Variants in PCDHA2 observed in about 807,000 individuals in gnomAD.
PCDHA2 encodes protocadherin alpha 2, also known as protocadherin alpha-2.
A neutral mutation model predicts 66.0 loss-of-function variants in PCDHA2; 58 were observed. That is an observed-to-expected ratio of 0.88 (90% CI 0.71 to 1.09). PCDHA2 has a LOEUF of 1.09. Among genes scored for constraint, PCDHA2 ranks in the 50% least tolerant of loss-of-function variants. PCDHA2 has a pLI of 0.00. For missense variants in PCDHA2, 1,267 were observed against 1,242.3 expected (o/e 1.02, Z -0.30); for synonymous variants, 634 against 554.0 (o/e 1.14, Z -2.03).
chr5:140,948,889 AT>A (rs1263260325), intron 1 of PCDHA2, among the ~76,000 whole-genome samples: 2 of 151,468 alleles, frequency 1.3e-5, no homozygotes, highest in Non-Finnish European at 3.0e-5. Flanking sequence ...TCTCTTTTAG[AT>A]TTTAAGTGGA....
intron 1 of PCDHA2, chr5:140,803,412 C>A: frequency 1.2e-6 from 2 of 1,614,236 alleles, no homozygotes; most frequent in East Asian, 2.2e-5. Flanking sequence ...CAAGCCCACG[C>A]TGGTGTGCTC....
intron 1 of PCDHA2, chr5:140,822,264 AAATGCACAATTGAGATACAGGTTAAATCC>A: frequency 6.2e-7 from 1 of 1,614,278 alleles, no homozygotes; most frequent in African/African-American, 1.3e-5. Context: ...ATATTGGAGC[AAATGCACAATTGAGATACAGGTTAAATCC>A]AAACGAATAT....
chr5:140,810,067 G>A (rs1354949194), intron 1 of PCDHA2: 2 of 153,726 alleles, frequency 1.3e-5, no homozygotes, highest in African/African-American at 4.8e-5. Flanking sequence ...CCTGTTTTGG[G>A]AACGTTATCT....
At chr5:140,985,317 A>C (rs1457089100) in intron 3 of PCDHA2, among the ~76,000 whole-genome samples, 1 of 152,134 alleles carries the variant, frequency 6.6e-6, no homozygotes, top group Non-Finnish European at 1.5e-5. Flanking sequence ...TGGTGGCCAG[A>C]ATTCAGTAGT....
At chr5:140,922,430 A>G (rs574413053) in intron 1 of PCDHA2, among the ~76,000 whole-genome samples, 6 of 152,246 alleles carry the variant, frequency 3.9e-5, no homozygotes, top group Non-Finnish European at 7.3e-5. Context: ...GGCTGAGGGC[A>G]GAACTCTCTC....
chr5:140,979,514 C>G lies in PCDHA2; in HGVS notation c.2447+507C>G, dbSNP rs75440413. On this transcript the variant is annotated intron_variant, in intron 2 of 3. Transcript: ENST00000526136. Reference sequence around the variant, plus strand: ...ATTAGAGCCTCCTCATCTTTCCCATCTGTTGCTATCTTATTGTCATCAATG... The same window carrying G: ...ATTAGAGCCTCCTCATCTTTCCCATGTGTTGCTATCTTATTGTCATCAATG... 4.7e-4 allele frequency among the ~76,000 whole-genome samples: 71 copies of G among 152,274 alleles called. 1 individual carries two copies. In the East Asian group the frequency reaches 0.014, roughly 29 times the overall value.
intron 1 of PCDHA2, among the ~76,000 whole-genome samples, chr5:140,819,034 C>G (rs1766478495): frequency 6.6e-6 from 1 of 152,116 alleles, no homozygotes; most frequent in African/African-American, 2.4e-5. Context: ...AGCACATTCC[C>G]TTATAGGGCA....
At chr5:140,883,924 G>T (rs1554180605) in intron 1 of PCDHA2, 14 of 1,613,506 alleles carry the variant, frequency 8.7e-6, no homozygotes, top group Non-Finnish European at 1.1e-5. Context: ...TGACGCTGCA[G>T]GTGTTCGTGC....
intron 1 of PCDHA2, among the ~76,000 whole-genome samples, chr5:140,832,806 T>C (rs1420120359): frequency 2.0e-5 from 3 of 152,174 alleles, no homozygotes; most frequent in Non-Finnish European, 2.9e-5. Context: ...GTTATTGGAA[T>C]TGGAAAAAAA....
intron 1 of PCDHA2, among the ~76,000 whole-genome samples, chr5:140,969,719 T>G (rs1448594057): frequency 7.9e-5 from 12 of 152,220 alleles, no homozygotes; most frequent in Non-Finnish European, 1.5e-4. Flanking sequence ...AGGGAAATTT[T>G]TCTTTTGAAA....
intron 3 of PCDHA2, among the ~76,000 whole-genome samples, chr5:140,987,890 C>T (rs1554249653): frequency 1.3e-5 from 2 of 152,020 alleles, no homozygotes; most frequent in African/African-American, 4.8e-5. Flanking sequence ...TTTATGTGCC[C>T]TAGTTTTATA....
rs2052689459 is a variant in PCDHA2, at chr5:140,871,081, G to T, written c.2388+73729G>T. 9 of 1,613,214 alleles carry T rather than the reference G, an allele frequency of 5.6e-6. No homozygotes were observed. The African/African-American group carries it at 6.7e-5, about 12-fold the overall frequency. On this transcript the variant is annotated intron_variant, in intron 1 of 3. Coordinates refer to ENST00000526136, the MANE Select transcript of PCDHA2 (RefSeq NM_018905.3). ...GGATCACGGTGAGCCGGCGCTGACG[G>T]CCACGGCCACCGTGCTGGTGTCGTT... is the stretch of plus-strand genomic sequence containing the variant.
intron 1 of PCDHA2, chr5:140,801,994 C>T (rs1554121822): frequency 1.9e-6 from 3 of 1,614,160 alleles, no homozygotes; most frequent in Non-Finnish European, 2.5e-6. Context: ...ACCGTTAACG[C>T]CACCGATTTG....
chr5:140,839,078 C>T (rs1776029855), intron 1 of PCDHA2, among the ~76,000 whole-genome samples: 1 of 151,898 alleles, frequency 6.6e-6, no homozygotes, highest in African/African-American at 2.4e-5. Flanking sequence ...AAGTCAAAAA[C>T]CTGTCTGATA....
At position 140,795,445 on chromosome 5, in the gene PCDHA2, G is replaced by A; in HGVS notation, c.481G>A (p.Asp161Asn). ...RFPLEGASDA[D>N]IGVNALLSYK... Reference sequence around the variant, plus strand: ...TCCTCTAGAGGGAGCATCTGATGCAGATATAGGAGTAAATGCTCTTCTCTC... The same window carrying A: ...TCCTCTAGAGGGAGCATCTGATGCAAATATAGGAGTAAATGCTCTTCTCTC... The change falls in exon 1 of 4, where the codon GAT becomes AAT. Residue 161 changes from aspartate to asparagine, a missense_variant. Coordinates refer to ENST00000526136, the MANE Select transcript of PCDHA2 (RefSeq NM_018905.3). 6.2e-7 allele frequency: 1 copy of A among 1,614,212 alleles called. No homozygotes were observed. Among genetic ancestry groups the A allele is most frequent in the Non-Finnish European group, 8.5e-7 (1 of 1,180,032 alleles).
intron 1 of PCDHA2, chr5:140,830,290 G>T (rs554863669): frequency 6.2e-7 from 1 of 1,613,848 alleles, no homozygotes; most frequent in African/African-American, 1.3e-5. Context: ...GCGCGTGCAC[G>T]GCGGACAAGC....
In PCDHA2 at chr5:140,801,984, A is replaced by G. The variant is rs1762826561; in HGVS notation, c.2388+4632A>G. 5.0e-6 allele frequency: 8 copies of G among 1,614,222 alleles called. No homozygotes were observed. In the East Asian group the frequency reaches 1.8e-4, roughly 36 times the overall value. On this transcript the variant is annotated intron_variant, in intron 1 of 3. Transcript: ENST00000526136. Reference sequence around the variant, plus strand: ...TGCACCAAATGGTACCCTAGTGGTGACCGTTAACGCCACCGATTTGGATGA... The same window carrying G: ...TGCACCAAATGGTACCCTAGTGGTGGCCGTTAACGCCACCGATTTGGATGA...
At chr5:140,882,648 A>C in intron 1 of PCDHA2, 1 of 1,614,216 alleles carries the variant, frequency 6.2e-7, no homozygotes, top group Non-Finnish European at 8.5e-7. Context: ...AGGGACATTA[A>C]CGACAACCCG....
chr5:140,803,449 C>CGCAGCAGAG lies in PCDHA2; in HGVS notation c.2388+6108_2388+6116dup, dbSNP rs558413778. The CGCAGCAGAG allele has an allele frequency of 1.4e-4, 219 of 1,614,208 alleles. No homozygotes were observed. The African/African-American group carries it at 2.6e-3, about 19-fold the overall frequency. ...AGCGCGGTGGGGAGCTGGTCATACTCGCAGCAGAGGCAGCAGAGGGTGTGC... is the reference window on the plus strand; with the variant it reads ...AGCGCGGTGGGGAGCTGGTCATACTCGCAGCAGAGGCAGCAGAGGCAGCAGAGGGTGTGC... On this transcript the variant is annotated intron_variant, in intron 1 of 3. Transcript: ENST00000526136.
Sources: gnomAD v4.1 joint callset for allele counts (sites outside exome capture counted in the v4.1 genomes callset) on GRCh38, gnomAD v4.1.1 for gene constraint, MANE v1.5 for transcripts, NCBI Gene and HGNC (gene_info 2026-07-23, HGNC 2026-07-21) for gene names.